The following XYLT1 variants were observed in gnomAD, a reference collection of about 807,000 sequenced individuals.
The protein encoded by XYLT1 is beta-D-xylosyltransferase 1.
In XYLT1, 36 loss-of-function variants were observed where a neutral mutation model predicts 91.3. The ratio of observed to expected loss-of-function variants is 0.39; its 90% CI spans 0.30 to 0.52. XYLT1 has a LOEUF of 0.52. Among genes scored for constraint, XYLT1 ranks in the 20% least tolerant of loss-of-function variants. XYLT1 has a pLI of 0.68. For synonymous variants in XYLT1, 588 were observed against 532.0 expected, an observed-to-expected ratio of 1.11 and a Z score of -1.45; for missense variants, 1,242 against 1,284.5, an observed-to-expected ratio of 0.97 and a Z score of 0.51.
Position 17,264,733 on chromosome 16 carries a change from T to C in XYLT1, c.403-5235A>G, listed in dbSNP as rs192409363. On this transcript the variant is annotated intron_variant, in intron 2 of 11. Transcript: ENST00000261381. ...CTTGAAAACTCACCAAAACAGACAG[T>C]ATTAGTACTCCTTAAGAGGAGGAAA... Among the ~76,000 whole-genome samples the C allele has an allele frequency of 2.0e-5, 3 of 152,292 alleles. No homozygotes were observed. The East Asian group carries it at 5.8e-4, about 29-fold the overall frequency.
At position 17,312,258 on chromosome 16, in the gene XYLT1, G is replaced by A. The variant is rs1330553502; in HGVS notation, c.402+45754C>T. On this transcript the variant is annotated intron_variant, in intron 2 of 11. Coordinates refer to ENST00000261381, the MANE Select transcript of XYLT1 (RefSeq NM_022166.4). The surrounding 1 kb of genome is among the most constrained non-coding windows in gnomAD (Gnocchi z 4.4). ...GCCCAGAGCTCAGGCCAGGTAGGAG[G>A]GAGATCCAGGGGAAGGGTAGGGCCT... Among the ~76,000 whole-genome samples, 3 of 152,130 alleles carry A rather than the reference G, an allele frequency of 2.0e-5. No individual in the cohort carries two copies. Among genetic ancestry groups the A allele is most frequent in the Non-Finnish European group, 4.4e-5 (3 of 68,016 alleles).
intron 3 of XYLT1, chr16:17,251,104 ATGTAG>A (rs1252504949): frequency 6.6e-6 from 1 of 152,160 alleles, no homozygotes; most frequent in African/African-American, 2.4e-5. Flanking sequence ...GGCAGGAGGG[ATGTAG>A]AAGAGACTGC....
chr16:17,415,248 T>C lies in XYLT1; in HGVS notation c.363+55186A>G, dbSNP rs532242104. Among the ~76,000 whole-genome samples, 4 of 152,200 alleles carry C rather than the reference T, an allele frequency of 2.6e-5. No individual in the cohort carries two copies. In the East Asian group the frequency reaches 7.7e-4, roughly 29 times the overall value. The stretch of plus-strand genomic sequence containing the variant: ...CTCCCCCATTTCTGATCCCCTCCCC[T>C]CCACTGCAACACATATATATTGAGT... On this transcript the variant is annotated intron_variant, in intron 1 of 11. Transcript: ENST00000261381.
chr16:17,198,464 C>G (rs2032474941), intron 4 of XYLT1, 50 bp from the exon 5 acceptor site: 1 of 1,561,438 alleles, frequency 6.4e-7, no homozygotes, highest in Admixed American at 1.8e-5. Context: ...TAGAAAATAC[C>G]CAGGCATGCC....
At position 17,106,213 on chromosome 16, in the gene XYLT1, G is replaced by A. The variant is rs1297720256; in HGVS notation, c.*2482C>T. ...AGTCTGCAGGTTCACATTATGCACA[G>A]GGACTTGCCACTGCTGAGTCCCCAA... On this transcript the variant is annotated 3_prime_UTR_variant, in exon 12 of 12. Transcript: ENST00000261381. 6.6e-6 allele frequency: 1 copy of A among 152,276 alleles called. No homozygotes were observed. Among genetic ancestry groups the A allele is most frequent in the Non-Finnish European group, 1.5e-5 (1 of 68,076 alleles). The allele number at this position is 152,276 out of a possible 1,614,324, so 9.4% of individuals were successfully genotyped here. A position where few individuals can be genotyped will look rare whatever the true frequency, so the allele number is the denominator to read the frequency against.
chr16:17,176,314 G>A (rs939200805), intron 5 of XYLT1, among the ~76,000 whole-genome samples: 1 of 152,176 alleles, frequency 6.6e-6, no homozygotes, highest in Non-Finnish European at 1.5e-5. Flanking sequence ...ATCGTTTCTC[G>A]AGCCCTTTCT....
At chr16:17,230,768 C>G (rs969965998) in intron 3 of XYLT1, among the ~76,000 whole-genome samples, 10 of 152,206 alleles carry the variant, frequency 6.6e-5, no homozygotes, top group Non-Finnish European at 1.5e-4. Context: ...CAGGCCTATT[C>G]TCTTCTCTAT....
At chr16:17,416,065 C>G (rs1223391364) in intron 1 of XYLT1, among the ~76,000 whole-genome samples, 1 of 152,206 alleles carries the variant, frequency 6.6e-6, no homozygotes, top group African/African-American at 2.4e-5. Flanking sequence ...CTACCAAGCT[C>G]GGCCCTCCCG....
intron 5 of XYLT1, among the ~76,000 whole-genome samples, chr16:17,192,100 T>C (rs964931890): frequency 3.6e-5 from 4 of 110,346 alleles, no homozygotes; most frequent in Admixed American, 3.5e-4. Context: ...CTCTTTTTTT[T>C]TTTTTTTTTT....
intron 6 of XYLT1, among the ~76,000 whole-genome samples, chr16:17,150,718 A>ATAAG (rs1168827689): frequency 1.3e-5 from 2 of 152,210 alleles, no homozygotes; most frequent in Non-Finnish European, 2.9e-5. Context: ...CAAGGTTCTA[A>ATAAG]TAAGTAAGTA....
intron 5 of XYLT1, among the ~76,000 whole-genome samples, chr16:17,181,299 G>A (rs982697575): frequency 9.2e-5 from 14 of 152,048 alleles, no homozygotes; most frequent in Non-Finnish European, 1.3e-4. Flanking sequence ...TCAAAGGCAG[G>A]TGCCCCCTGC....
chr16:17,440,798 G>A (rs186733674), intron 1 of XYLT1, among the ~76,000 whole-genome samples: 2 of 152,292 alleles, frequency 1.3e-5, no homozygotes, highest in East Asian at 3.9e-4. Flanking sequence ...ACCCAGGCTG[G>A]AGAAGTCCAG....
At position 17,391,206 on chromosome 16, in the gene XYLT1, G is replaced by T. The variant is rs564192118; in HGVS notation, c.364-33156C>A. Among the ~76,000 whole-genome samples, 104 of 152,182 alleles carry T rather than the reference G, an allele frequency of 6.8e-4. 2 individuals carry two copies. Among genetic ancestry groups the T allele is most frequent in the Admixed American group, 4.0e-3 (61 of 15,284 alleles). The stretch of plus-strand genomic sequence containing the variant: ...TTGGCCTTTTGAGATGTCTTTTCAG[G>T]TTTTTGCATTTCTTTTATTTAACAC... On this transcript the variant is annotated intron_variant, in intron 1 of 11. Transcript: ENST00000261381.
intron 3 of XYLT1, among the ~76,000 whole-genome samples, chr16:17,255,549 C>A (rs1262921647): frequency 6.6e-6 from 1 of 152,180 alleles, no homozygotes; most frequent in Non-Finnish European, 1.5e-5. Context: ...CCACCAGGCA[C>A]AGGTTAACAA....
At chr16:17,413,422 TTTC>T (rs2036137880) in intron 1 of XYLT1, among the ~76,000 whole-genome samples, 2 of 151,266 alleles carry the variant, frequency 1.3e-5, no homozygotes, top group Non-Finnish European at 1.5e-5. Context: ...TCAACTACAC[TTTC>T]TTATTTTTTG....
chr16:17,180,039 G>T (rs556637027), intron 5 of XYLT1, among the ~76,000 whole-genome samples: 1 of 152,294 alleles, frequency 6.6e-6, no homozygotes, highest in African/African-American at 2.4e-5. Flanking sequence ...CTTGCAAATG[G>T]GGACAATGAA....
intron 1 of XYLT1, among the ~76,000 whole-genome samples, chr16:17,383,690 C>T (rs970450180): frequency 2.6e-5 from 4 of 151,560 alleles, no homozygotes; most frequent in African/African-American, 9.7e-5. Flanking sequence ...GGAAACAGGC[C>T]AGGGTGTGTT....
chr16:17,288,378 T>C (rs1310341595), intron 2 of XYLT1, among the ~76,000 whole-genome samples: 3 of 152,040 alleles, frequency 2.0e-5, no homozygotes, highest in Non-Finnish European at 4.4e-5. Context: ...GTTTCACTCA[T>C]GGCAAGAGTA....
At chr16:17,317,065 G>A (rs1033042881) in intron 2 of XYLT1, among the ~76,000 whole-genome samples, 21 of 148,564 alleles carry the variant, frequency 1.4e-4, no homozygotes, top group African/African-American at 4.0e-4. Context: ...CTCGTGATCC[G>A]CCCGCCTCGG....
Sources: allele counts gnomAD v4.1 joint callset (sites outside exome capture counted in the v4.1 genomes callset), GRCh38; gene constraint gnomAD v4.1.1; non-coding constraint Gnocchi (gnomAD v3.1); transcripts MANE v1.5; gene names NCBI Gene and HGNC (gene_info 2026-07-23, HGNC 2026-07-21).